Variants in SNTG1 observed in about 807,000 individuals in gnomAD.
The protein encoded by SNTG1 is syntrophin gamma 1.
In SNTG1, 39 loss-of-function variants were observed where a neutral mutation model predicts 74.7. The observed-to-expected ratio is 0.52, with a 90% CI of 0.40 to 0.68. The LOEUF is 0.68. Ranked by LOEUF, SNTG1 falls within the 30% of genes least tolerant of loss-of-function variation. The pLI is 0.00. For synonymous variants in SNTG1, 254 were observed against 217.1 expected (o/e 1.17, Z -1.49); for missense variants, 685 against 609.5 (o/e 1.12, Z -1.30).
intron 13 of SNTG1, among the ~76,000 whole-genome samples, chr8:50,650,151 A>T (rs905611575): frequency 2.0e-5 from 3 of 152,072 alleles, no homozygotes; most frequent in Non-Finnish European, 4.4e-5. Flanking sequence ...TTATAAATTT[A>T]AAAAATTCTA....
chr8:50,736,784 C>T (rs1259373640), intron 17 of SNTG1, among the ~76,000 whole-genome samples: 2 of 152,066 alleles, frequency 1.3e-5, no homozygotes, highest in African/African-American at 2.4e-5. Context: ...CAAAACTGTA[C>T]AACTACATGG....
At chr8:50,473,295 C>T (rs2093668010) in intron 8 of SNTG1, among the ~76,000 whole-genome samples, 1 of 152,132 alleles carries the variant, frequency 6.6e-6, no homozygotes, top group South Asian at 2.1e-4. Context: ...TCCCCTTCAC[C>T]TTCTGCTATA....
intron 1 of SNTG1, among the ~76,000 whole-genome samples, chr8:50,119,795 A>G (rs1449508162): frequency 7.0e-6 from 1 of 141,860 alleles, no homozygotes; most frequent in East Asian, 2.0e-4. Context: ...AGTTGTTCAA[A>G]AACTCATATC....
At chr8:50,020,373 A>T (rs1041729704) in intron 1 of SNTG1, among the ~76,000 whole-genome samples, 1 of 152,154 alleles carries the variant, frequency 6.6e-6, no homozygotes, top group Non-Finnish European at 1.5e-5. Flanking sequence ...CACAGCTGCC[A>T]GGCTGCTATT....
At chr8:50,025,308 T>G (rs1227325990) in intron 1 of SNTG1, among the ~76,000 whole-genome samples, 1 of 152,156 alleles carries the variant, frequency 6.6e-6, no homozygotes, top group Non-Finnish European at 1.5e-5. Context: ...ATCTTAATCT[T>G]AATTCATCCA....
At chr8:50,075,019 G>C (rs1030812074) in intron 1 of SNTG1, among the ~76,000 whole-genome samples, 3 of 152,218 alleles carry the variant, frequency 2.0e-5, no homozygotes, top group Non-Finnish European at 4.4e-5. Context: ...AGCAGCTGCA[G>C]AGGGTACACT....
At chr8:50,553,942 A>G (rs920815121) in intron 12 of SNTG1, among the ~76,000 whole-genome samples, 7 of 152,114 alleles carry the variant, frequency 4.6e-5, no homozygotes, top group Non-Finnish European at 1.0e-4. Context: ...TCAGTCCGCA[A>G]TTGTTCCATG....
intron 15 of SNTG1, among the ~76,000 whole-genome samples, chr8:50,686,132 C>T (rs2095351595): frequency 2.0e-5 from 3 of 152,056 alleles, no homozygotes; most frequent in Admixed American, 2.0e-4. Flanking sequence ...GTCACTTTTT[C>T]TAAGTGATAT....
chr8:50,578,619 A>G (rs765898090), intron 12 of SNTG1, among the ~76,000 whole-genome samples: 1 of 152,154 alleles, frequency 6.6e-6, no homozygotes, highest in African/African-American at 2.4e-5. Flanking sequence ...TAATCGAATA[A>G]TGGGGGTAGT....
intron 13 of SNTG1, among the ~76,000 whole-genome samples, chr8:50,638,083 G>A (rs1408194845): frequency 6.6e-6 from 1 of 152,060 alleles, no homozygotes; most frequent in Non-Finnish European, 1.5e-5. Flanking sequence ...AAGGAAGTTG[G>A]GTAGAGATGT....
At chr8:50,244,605 G>C (rs1227384687) in intron 2 of SNTG1, among the ~76,000 whole-genome samples, 4 of 152,126 alleles carry the variant, frequency 2.6e-5, no homozygotes, top group African/African-American at 9.7e-5. Flanking sequence ...GGAGGACTCT[G>C]GTTACTTTAA....
At chr8:50,575,292 A>C (rs558392070) in intron 12 of SNTG1, among the ~76,000 whole-genome samples, 1 of 152,310 alleles carries the variant, frequency 6.6e-6, no homozygotes, top group Non-Finnish European at 1.5e-5. Flanking sequence ...TGTAGTGTTC[A>C]CATTAACTTT....
At chr8:50,312,815 A>G (rs977456178) in intron 2 of SNTG1, among the ~76,000 whole-genome samples, 1 of 150,150 alleles carries the variant, frequency 6.7e-6, no homozygotes, top group South Asian at 2.2e-4. Context: ...TATGTTAACT[A>G]TGAGGGCTTT....
At chr8:50,319,184 G>A (rs2090433350) in intron 2 of SNTG1, among the ~76,000 whole-genome samples, 1 of 151,970 alleles carries the variant, frequency 6.6e-6, no homozygotes, top group African/African-American at 2.4e-5. Flanking sequence ...CATATTTATA[G>A]TAGAAATACA....
intron 8 of SNTG1, among the ~76,000 whole-genome samples, chr8:50,495,465 T>G (rs2093895288): frequency 8.9e-6 from 1 of 112,666 alleles, no homozygotes; most frequent in Non-Finnish European, 1.7e-5. Flanking sequence ...GTCAAATTCT[T>G]TTTTTTTTTT....
At position 50,666,123 on chromosome 8, in the gene SNTG1, T is replaced by C. The variant is rs562027044; in HGVS notation, c.1038+7460T>C. Among the ~76,000 whole-genome samples, 20 of 152,260 alleles carry C rather than the reference T, an allele frequency of 1.3e-4. No individual in the cohort carries two copies. The South Asian group carries it at 3.5e-3, about 27-fold the overall frequency. On this transcript the variant is annotated intron_variant, in intron 15 of 18. Transcript: ENST00000642720. ...GAGGAAACATCTATCTAATGTAATG[T>C]AAAGGAGAAAACCAATGTAATCTAA...
In SNTG1 at chr8:50,558,637, T is replaced by C. The variant is rs560015233; in HGVS notation, c.810+5458T>C. Reference sequence around the variant, plus strand: ...ACCGGTGGGAAAGATGGCTGCAGTGTTTTTTTTTTCCTTCTTGGCTCTAAC... The same window carrying C: ...ACCGGTGGGAAAGATGGCTGCAGTGCTTTTTTTTTCCTTCTTGGCTCTAAC... On this transcript the variant is annotated intron_variant, in intron 12 of 18. Coordinates refer to ENST00000642720, the MANE Select transcript of SNTG1 (RefSeq NM_018967.5). Among the ~76,000 whole-genome samples, 706 of 138,330 alleles carry C rather than the reference T, an allele frequency of 5.1e-3. 9 individuals carry two copies. The highest frequency in any genetic ancestry group is 0.018 in the African/African-American group (638 of 34,924). The allele number at this position is 138,330 out of a possible 152,430, so 90.7% of individuals were successfully genotyped here.
intron 2 of SNTG1, among the ~76,000 whole-genome samples, chr8:50,243,428 C>T (rs916361063): frequency 4.6e-5 from 7 of 151,660 alleles, no homozygotes; most frequent in Non-Finnish European, 4.4e-5. Context: ...TTTAAAGATC[C>T]TCTCATCTTT....
Position 50,658,671 on chromosome 8 carries a change from C to T in SNTG1, c.1038+8C>T, listed in dbSNP as rs1033834933. On this transcript the variant is annotated splice_region_variant and intron_variant, in intron 15 of 18. Transcript: ENST00000642720. ...ATGTGCAAGATCCTCAAGGTATGAT[C>T]AATATGTAGTCAGTATTTGAATGGC... 5.0e-6 allele frequency: 8 copies of T among 1,598,744 alleles called. No homozygotes were observed. Among genetic ancestry groups the T allele is most frequent in the Admixed American group, 3.4e-5 (2 of 58,838 alleles).
Sources: gnomAD v4.1 joint callset for allele counts (sites outside exome capture counted in the v4.1 genomes callset) on GRCh38, gnomAD v4.1.1 for gene constraint, MANE v1.5 for transcripts, NCBI Gene and HGNC (gene_info 2026-07-23, HGNC 2026-07-21) for gene names.